Variants in SLC2A9 observed in about 807,000 individuals in gnomAD.
SLC2A9 encodes the protein solute carrier family 2, facilitated glucose transporter member 9.
A neutral mutation model predicts 50.6 loss-of-function variants in SLC2A9; 39 were observed. The observed-to-expected ratio is 0.77, with a 90% CI of 0.60 to 1.01. SLC2A9 has a LOEUF of 1.01. Among genes scored for constraint, SLC2A9 ranks in the 50% least tolerant of loss-of-function variants. The pLI is 0.00. For synonymous variants in SLC2A9, 324 were observed against 276.9 expected, an observed-to-expected ratio of 1.17 and a Z score of -1.69; for missense variants, 686 against 677.6, an observed-to-expected ratio of 1.01 and a Z score of -0.14.
downstream of SLC2A9, among the ~76,000 whole-genome samples, chr4:9,798,076 T>C (rs1056203286): frequency 3.3e-5 from 5 of 152,310 alleles, no homozygotes; most frequent in African/African-American, 1.2e-4. Context: ...TTTATTTTTG[T>C]CCCTATCCCC....
At chr4:9,979,571 C>T (rs1287713839) in intron 5 of SLC2A9, among the ~76,000 whole-genome samples, 1 of 152,110 alleles carries the variant, frequency 6.6e-6, no homozygotes, top group African/African-American at 2.4e-5. Context: ...ATGTCTACCA[C>T]CTCAGTCGCA....
At chr4:9,896,268 TA>T (rs1225620985) in intron 8 of SLC2A9, among the ~76,000 whole-genome samples, 1 of 152,238 alleles carries the variant, frequency 6.6e-6, no homozygotes, top group African/African-American at 2.4e-5. Flanking sequence ...CACGTGGTAT[TA>T]TATCAACCAT....
intron 4 of SLC2A9, among the ~76,000 whole-genome samples, chr4:9,982,150 G>T (rs186707595): frequency 4.3e-4 from 66 of 152,336 alleles, no homozygotes; most frequent in African/African-American, 1.5e-3. Flanking sequence ...AAAGTGTTAG[G>T]ATTACAGGCG....
At chr4:9,833,739 G>A (rs1726562784) in intron 11 of SLC2A9, among the ~76,000 whole-genome samples, 2 of 152,194 alleles carry the variant, frequency 1.3e-5, no homozygotes, top group Admixed American at 1.3e-4. Flanking sequence ...AGAACTGAGT[G>A]TCCAGAATAG....
At chr4:9,963,139 C>T (rs970996076) in intron 5 of SLC2A9, among the ~76,000 whole-genome samples, 2 of 152,150 alleles carry the variant, frequency 1.3e-5, no homozygotes, top group Non-Finnish European at 2.9e-5. Context: ...TCACATGTTG[C>T]AATGGTGGCA....
intron 7 of SLC2A9, among the ~76,000 whole-genome samples, chr4:9,913,512 C>T (rs1197716217): frequency 6.6e-6 from 1 of 152,176 alleles, no homozygotes; most frequent in Admixed American, 6.5e-5. Context: ...ACACTGTGTT[C>T]CAGGAACTGT....
At chr4:9,994,736 G>A (rs952318611) in intron 3 of SLC2A9, among the ~76,000 whole-genome samples, 6 of 151,968 alleles carry the variant, frequency 3.9e-5, no homozygotes, top group African/African-American at 7.2e-5. Context: ...ATTCTGACCC[G>A]ATTCTAGTGT....
chr4:9,821,247 T>C (rs1453696811), downstream of SLC2A9, among the ~76,000 whole-genome samples: 1 of 152,208 alleles, frequency 6.6e-6, no homozygotes, highest in East Asian at 1.9e-4. Flanking sequence ...TTTTGGAATA[T>C]TGAAACAGTT....
chr4:9,848,165 G>A (rs1026847185), intron 10 of SLC2A9, among the ~76,000 whole-genome samples: 1 of 152,186 alleles, frequency 6.6e-6, no homozygotes, highest in African/African-American at 2.4e-5. Context: ...TCCCACTGCT[G>A]GAAATGCCCC....
At chr4:10,000,618 C>A (rs116449637) in intron 2 of SLC2A9, among the ~76,000 whole-genome samples, 3 of 152,146 alleles carry the variant, frequency 2.0e-5, no homozygotes, top group African/African-American at 7.2e-5. Context: ...TGGCTACATG[C>A]TTTTCTATTC....
At chr4:9,974,676 G>T (rs1754489561) in intron 5 of SLC2A9, among the ~76,000 whole-genome samples, 1 of 152,034 alleles carries the variant, frequency 6.6e-6, no homozygotes, top group African/African-American at 2.4e-5. Context: ...TAGCAATACT[G>T]CCCAAAGCAA....
chr4:9,867,840 C>T (rs1010144997), intron 10 of SLC2A9, among the ~76,000 whole-genome samples: 2 of 152,168 alleles, frequency 1.3e-5, no homozygotes, highest in African/African-American at 4.8e-5. Flanking sequence ...ATGCAGGGGA[C>T]TAAACATTAA....
At chr4:9,937,371 A>G (rs936659646) in intron 6 of SLC2A9, among the ~76,000 whole-genome samples, 8 of 151,854 alleles carry the variant, frequency 5.3e-5, no homozygotes, top group Admixed American at 1.3e-4. Flanking sequence ...TTCACTCAGC[A>G]CCCTGTCCCA....
intron 3 of SLC2A9, among the ~76,000 whole-genome samples, chr4:9,781,443 A>G (rs1158481732): frequency 6.6e-6 from 1 of 152,094 alleles, no homozygotes; most frequent in Non-Finnish European, 1.5e-5. Flanking sequence ...CCCGGGGAGA[A>G]TTTTCCCCGG....
chr4:10,037,239 C>G (rs982210204), intron 1 of SLC2A9, among the ~76,000 whole-genome samples: 1 of 152,136 alleles, frequency 6.6e-6, no homozygotes, highest in African/African-American at 2.4e-5. Context: ...AAAATGAGAC[C>G]TCAGCCCCTG....
At chr4:9,921,527 C>G (rs1421371524) in intron 6 of SLC2A9, among the ~76,000 whole-genome samples, 2 of 152,246 alleles carry the variant, frequency 1.3e-5, no homozygotes, top group African/African-American at 2.4e-5. Context: ...GGCAGCATCC[C>G]TAAAACATGG....
intron 3 of SLC2A9, among the ~76,000 whole-genome samples, chr4:9,793,289 C>G: frequency 6.6e-6 from 1 of 152,150 alleles, no homozygotes; most frequent in Non-Finnish European, 1.5e-5. Context: ...AATTGAGGCC[C>G]TGAGGGACTT....
chr4:10,019,666 G>C (rs2240724), intron 1 of SLC2A9, among the ~76,000 whole-genome samples: 67,113 of 152,166 alleles, frequency 0.44, 16,442 homozygotes, highest in South Asian at 0.59. Flanking sequence ...CCAAGGGCCT[G>C]AGACTGCCGA....
At chr4:9,866,740 G>T (rs883042) in intron 10 of SLC2A9, among the ~76,000 whole-genome samples, 1 of 152,160 alleles carries the variant, frequency 6.6e-6, no homozygotes, top group Non-Finnish European at 1.5e-5. Flanking sequence ...CCATCCATGC[G>T]TGTGAGCTGC....
Sources: allele counts gnomAD v4.1 joint callset (sites outside exome capture counted in the v4.1 genomes callset), GRCh38; gene constraint gnomAD v4.1.1; transcripts MANE v1.5; gene names NCBI Gene and HGNC (gene_info 2026-07-23, HGNC 2026-07-21).